CADM2: variants seen among roughly 807,000 people sequenced by gnomAD.
CADM2 encodes the protein immunoglobulin superfamily member 4D.
A neutral mutation model predicts 49.8 loss-of-function variants in CADM2; 12 were observed. The ratio of observed to expected loss-of-function variants is 0.24; its 90% CI spans 0.15 to 0.39. The LOEUF (loss-of-function observed/expected upper bound fraction) is 0.39, where lower values mean the gene tolerates loss of function less well. Among genes scored for constraint, CADM2 ranks in the 10% least tolerant of loss-of-function variants. The probability of loss-of-function intolerance (pLI) is 1.00; values close to 1 mark genes in which losing one functional copy is unlikely to be tolerated. For missense variants in CADM2, 378 were observed against 492.3 expected (o/e 0.77, Z 2.20); for synonymous variants, 214 against 175.4 (o/e 1.22, Z -1.74).
intron 2 of CADM2, among the ~76,000 whole-genome samples, chr3:85,774,200 A>T (rs1282701990): frequency 6.6e-6 from 1 of 151,864 alleles, no homozygotes; most frequent in Non-Finnish European, 1.5e-5. Context: ...AATGTCTCTC[A>T]ACAAACAGTT....
At chr3:85,716,364 T>G (rs939300238) in intron 1 of CADM2, among the ~76,000 whole-genome samples, 1 of 152,358 alleles carries the variant, frequency 6.6e-6, no homozygotes, top group African/African-American at 2.4e-5. Flanking sequence ...TGTTTTTTTC[T>G]TGTAAACTTA....
intron 1 of CADM2, among the ~76,000 whole-genome samples, chr3:85,531,117 G>A (rs940203785): frequency 6.6e-6 from 1 of 152,158 alleles, no homozygotes; most frequent in African/African-American, 2.4e-5. Context: ...CCGATTCACT[G>A]AATATCCTTC....
At chr3:84,961,610 CTGTGTGTGTGTGTA>C (rs1437039267) in intron 1 of CADM2, among the ~76,000 whole-genome samples, 1 of 151,486 alleles carries the variant, frequency 6.6e-6, no homozygotes, top group East Asian at 1.9e-4. Flanking sequence ...CTCAGCTCTG[CTGTGTGTGTGTGTA>C]TGTGTGTGTG....
chr3:85,273,392 C>T (rs1487169150), intron 1 of CADM2, among the ~76,000 whole-genome samples: 1 of 151,224 alleles, frequency 6.6e-6, no homozygotes, highest in Non-Finnish European at 1.5e-5. Flanking sequence ...TGAGTAAAAT[C>T]TTTAAAAAAG....
chr3:85,500,912 G>GT (rs34438723), intron 1 of CADM2, among the ~76,000 whole-genome samples: 14,005 of 152,098 alleles, frequency 0.092, 2,098 homozygotes, highest in African/African-American at 0.32. Flanking sequence ...TTCAAAGGGA[G>GT]TTTTGCAATT....
intron 1 of CADM2, among the ~76,000 whole-genome samples, chr3:85,573,792 A>T (rs908045562): frequency 6.6e-6 from 1 of 152,080 alleles, no homozygotes; most frequent in African/African-American, 2.4e-5. Flanking sequence ...ACTATTTTCA[A>T]AATCTCTGTG....
rs112134046 is a variant in CADM2 at position 85,313,756 on chromosome 3, C to G, written c.61+354088C>G. The stretch of plus-strand genomic sequence containing the variant: ...TGAAAACTGATGGGAATTAATTCTT[C>G]ATGAGTTATAGAATGATATATTTCT... On this transcript the variant is annotated intron_variant, in intron 1 of 9. Coordinates refer to ENST00000383699, the MANE Select transcript of CADM2 (RefSeq NM_001167675.2). 4.6e-3 allele frequency among the ~76,000 whole-genome samples: 693 copies of G among 152,246 alleles called. 6 individuals are homozygous for G. Among genetic ancestry groups the G allele is most frequent in the African/African-American group, 0.016 (669 of 41,542 alleles).
chr3:85,332,656 T>C (rs542210336), intron 1 of CADM2, among the ~76,000 whole-genome samples: 1 of 151,988 alleles, frequency 6.6e-6, no homozygotes. Context: ...TTCCAAAATA[T>C]CTAAAATTCC....
At chr3:85,167,420 G>A (rs1457883102) in intron 1 of CADM2, among the ~76,000 whole-genome samples, 1 of 151,828 alleles carries the variant, frequency 6.6e-6, no homozygotes, top group African/African-American at 2.4e-5. Flanking sequence ...ATAATTTATA[G>A]ATCCCTAATT....
rs1406255335 is a variant in CADM2 at position 86,071,711 on chromosome 3, T to A, written c.*4928T>A. On this transcript the variant is annotated 3_prime_UTR_variant, in exon 10 of 10. Transcript: ENST00000383699. ...TCAAAAGCCAAGTTCTTCAGTGTAT[T>A]CTATGGTGTATGAATCTGCATTTGT... is the stretch of plus-strand genomic sequence containing the variant. 1 of 152,012 alleles carries A rather than the reference T, an allele frequency of 6.6e-6. No homozygotes were observed. Among genetic ancestry groups the A allele is most frequent in the African/African-American group, 2.4e-5 (1 of 41,454 alleles). 9.4% of individuals were successfully genotyped at this position (152,012 alleles called of 1,614,324 possible). A position where few individuals can be genotyped will look rare whatever the true frequency, so the allele number is the denominator to read the frequency against.
intron 1 of CADM2, among the ~76,000 whole-genome samples, chr3:85,583,924 A>G (rs1404612642): frequency 6.6e-6 from 1 of 152,038 alleles, no homozygotes; most frequent in Non-Finnish European, 1.5e-5. Context: ...AAAATTTCCC[A>G]ATATAATGAC....
intron 8 of CADM2, among the ~76,000 whole-genome samples, chr3:86,005,555 T>TA (rs1553721577): frequency 0.38 from 35,245 of 91,590 alleles, 4,576 homozygotes; most frequent in South Asian, 0.45. Context: ...CCGTCTCATA[T>TA]AAAAAAAAAA....
rs186578510 is a variant in CADM2, at chr3:85,110,464, C to T, written c.61+150796C>T. 2.4e-3 allele frequency among the ~76,000 whole-genome samples: 365 copies of T among 151,810 alleles called. 1 individual carries two copies. The highest frequency in any genetic ancestry group is 4.1e-3 in the Non-Finnish European group (275 of 67,780). On this transcript the variant is annotated intron_variant, in intron 1 of 9. Transcript: ENST00000383699. ...TCCTTTCTTTATAGCATGTATAATA[C>T]TGAAAACGTGAAGAGAAGGGGAAAA...
intron 1 of CADM2, among the ~76,000 whole-genome samples, chr3:85,653,064 C>A (rs951172026): frequency 6.6e-6 from 1 of 151,646 alleles, no homozygotes; most frequent in Non-Finnish European, 1.5e-5. Flanking sequence ...TGAGCCACCG[C>A]ACCTGGCCTA....
chr3:85,281,062 T>C (rs2043487581), intron 1 of CADM2, among the ~76,000 whole-genome samples: 1 of 151,904 alleles, frequency 6.6e-6, no homozygotes, highest in East Asian at 1.9e-4. Flanking sequence ...TAAATTAATA[T>C]AACCATTCAG....
chr3:85,805,419 A>C (rs979913527), intron 3 of CADM2: 10 of 152,322 alleles, frequency 6.6e-5, no homozygotes, highest in Admixed American at 2.6e-4. Context: ...AACAGAGAGC[A>C]TTGAAGAAAG....
chr3:85,713,233 G>T (rs2067171281), intron 1 of CADM2, among the ~76,000 whole-genome samples: 1 of 152,184 alleles, frequency 6.6e-6, no homozygotes, highest in South Asian at 2.1e-4. Flanking sequence ...AAGTAGCTGG[G>T]ATTACAGGCA....
At chr3:85,973,668 C>A (rs765406841) in intron 8 of CADM2, among the ~76,000 whole-genome samples, 1 of 151,664 alleles carries the variant, frequency 6.6e-6, no homozygotes, top group African/African-American at 2.4e-5. Flanking sequence ...TAAACTAGAG[C>A]AAATTTGAAA....
At chr3:85,133,619 G>A (rs2039307305) in intron 1 of CADM2, among the ~76,000 whole-genome samples, 1 of 149,782 alleles carries the variant, frequency 6.7e-6, no homozygotes, top group Non-Finnish European at 1.5e-5. Flanking sequence ...CACCAGAGTA[G>A]CTAGATACAG....
Sources: allele counts gnomAD v4.1 joint callset (sites outside exome capture counted in the v4.1 genomes callset), GRCh38; gene constraint gnomAD v4.1.1; transcripts MANE v1.5; gene names NCBI Gene and HGNC (gene_info 2026-07-23, HGNC 2026-07-21).